Variants in MYCBP2 observed in about 807,000 individuals in gnomAD.
The protein encoded by MYCBP2 is E3 ubiquitin-protein ligase MYCBP2.
A neutral mutation model predicts 525.3 loss-of-function variants in MYCBP2; 120 were observed. That is an observed-to-expected ratio of 0.23 (90% CI 0.20 to 0.27). MYCBP2 has a LOEUF of 0.27. Ranked by LOEUF, MYCBP2 falls within the 10% of genes least tolerant of loss-of-function variation. The pLI is 1.00. For synonymous variants in MYCBP2, 1,894 were observed against 1,955.8 expected (o/e 0.97, Z 0.83); for missense variants, 4,149 against 5,657.1 (o/e 0.73, Z 8.55).
chr13:77,238,192 G>A (rs952950588), intron 17 of MYCBP2, among the ~76,000 whole-genome samples: 1 of 140,454 alleles, frequency 7.1e-6, no homozygotes, highest in Non-Finnish European at 1.5e-5. Context: ...GCAGTGAGCC[G>A]AGATAGCACC....
chr13:77,261,220 C>A lies in MYCBP2; in HGVS notation c.1803G>T (p.Gly601=), dbSNP rs1237158551. The A allele has an allele frequency of 1.2e-6, 2 of 1,613,470 alleles. No homozygotes were observed. Among genetic ancestry groups the A allele is most frequent in the Non-Finnish European group, 1.7e-6 (2 of 1,179,612 alleles). Residue 601 remains glycine (G), a synonymous_variant, in exon 12 of 83, where the codon GGG becomes GGT. Transcript: ENST00000544440. Reference sequence around the variant, plus strand: ...TAGCAGATCCTGTAAAGAATATGCTCCCATCTTCTGCAACTAAAAGGGCGT... The same window carrying A: ...TAGCAGATCCTGTAAAGAATATGCTACCATCTTCTGCAACTAAAAGGGCGT... The part of the protein sequence containing the change: ...GSHALLVAED[G]SIFFTGSASK...
At chr13:77,293,611 C>T (rs568581891) in intron 2 of MYCBP2, among the ~76,000 whole-genome samples, 2 of 152,290 alleles carry the variant, frequency 1.3e-5, no homozygotes, top group East Asian at 1.9e-4. Flanking sequence ...TTGAAATGCA[C>T]AGATTATCTG....
chr13:77,120,129 A>G (rs2050434113), intron 55 of MYCBP2, among the ~76,000 whole-genome samples: 1 of 152,220 alleles, frequency 6.6e-6, no homozygotes, highest in Non-Finnish European at 1.5e-5. Flanking sequence ...TTAAAACATT[A>G]CTATATAGAG....
chr13:77,282,975 A>G (rs1266690912), intron 3 of MYCBP2, among the ~76,000 whole-genome samples: 1 of 152,052 alleles, frequency 6.6e-6, no homozygotes, highest in Non-Finnish European at 1.5e-5. Flanking sequence ...GACAACTGCA[A>G]TAACTGCCTA....
At chr13:77,292,092 C>T (rs900000968) in intron 2 of MYCBP2, among the ~76,000 whole-genome samples, 2 of 152,172 alleles carry the variant, frequency 1.3e-5, no homozygotes, top group African/African-American at 2.4e-5. Context: ...GTGACCAAAC[C>T]CACAAAGTCT....
At chr13:77,118,123 CAT>C (rs2050092303) in intron 55 of MYCBP2, among the ~76,000 whole-genome samples, 1 of 152,108 alleles carries the variant, frequency 6.6e-6, no homozygotes, top group South Asian at 2.1e-4. Flanking sequence ...TGATGCTTAC[CAT>C]AGTCATGCAT....
At chr13:77,240,693 T>G (rs982267900) in intron 17 of MYCBP2, among the ~76,000 whole-genome samples, 2 of 152,146 alleles carry the variant, frequency 1.3e-5, no homozygotes, top group Admixed American at 1.3e-4. Context: ...AACACAGAAA[T>G]ACGGGAACTC....
intron 55 of MYCBP2, among the ~76,000 whole-genome samples, chr13:77,117,976 A>G (rs1285629294): frequency 6.6e-6 from 1 of 152,166 alleles, no homozygotes; most frequent in Non-Finnish European, 1.5e-5. Flanking sequence ...CATAGATACC[A>G]AATTCACTTA....
At chr13:77,196,153 T>C (rs1566886305) in intron 26 of MYCBP2, among the ~76,000 whole-genome samples, 1 of 152,172 alleles carries the variant, frequency 6.6e-6, no homozygotes, top group Non-Finnish European at 1.5e-5. Context: ...GCTGTAGTTA[T>C]GAGGAAACAG....
intron 8 of MYCBP2, among the ~76,000 whole-genome samples, chr13:77,266,373 T>C (rs2074078807): frequency 6.6e-6 from 1 of 152,114 alleles, no homozygotes; most frequent in East Asian, 1.9e-4. Context: ...TTTTGTAACA[T>C]TTAAGTGACA....
intron 26 of MYCBP2, among the ~76,000 whole-genome samples, chr13:77,201,782 C>T (rs1353448183): frequency 6.6e-6 from 1 of 152,062 alleles, no homozygotes; most frequent in East Asian, 1.9e-4. Flanking sequence ...ACAACCTGCT[C>T]CTGAATGACT....
intron 69 of MYCBP2, among the ~76,000 whole-genome samples, chr13:77,069,693 A>G (rs1157078926): frequency 9.5e-6 from 1 of 105,712 alleles, no homozygotes; most frequent in Non-Finnish European, 1.9e-5. Flanking sequence ...CGTCTGTACT[A>G]AAAAAAAAAA....
intron 66 of MYCBP2, chr13:77,077,726 T>C (rs1007588492): frequency 3.2e-5 from 6 of 186,870 alleles, no homozygotes; most frequent in Admixed American, 5.6e-5. Flanking sequence ...ATGACTGTAC[T>C]TTATCTATAT....
chr13:77,302,031 G>A (rs1432534586), intron 1 of MYCBP2, among the ~76,000 whole-genome samples: 2 of 151,966 alleles, frequency 1.3e-5, no homozygotes. Flanking sequence ...ACAAAAATGG[G>A]ATGAACCAAA....
intron 31 of MYCBP2, 40 bp downstream of exon 31, chr13:77,185,831 T>A: frequency 2.2e-6 from 3 of 1,383,594 alleles, no homozygotes; most frequent in Non-Finnish European, 1.9e-6. Flanking sequence ...ATGTCTCTAA[T>A]ATTTTCTCCC....
rs545068372 is a variant in MYCBP2, at chr13:77,076,787, T to C, written c.11787A>G (p.Leu3929=). 3.1e-6 allele frequency: 5 copies of C among 1,612,416 alleles called. No individual in the cohort carries two copies. The highest frequency in any genetic ancestry group is 1.1e-5 in the South Asian group (1 of 90,942). Residue 3929 remains leucine, a synonymous_variant, in exon 68 of 83, where the codon CTA becomes CTG. Transcript: ENST00000544440. ...TTTCTTCTCCTTCAGGTGATGACAA[T>C]AGTGCTTTTTCCTCTTGTTCTGGTG... ...EPTPEQEEKA[L]LSSPEGEEKV... is the part of the protein sequence containing the mutation.
chr13:77,180,790 T>C, intron 33 of MYCBP2, among the ~76,000 whole-genome samples: 1 of 152,054 alleles, frequency 6.6e-6, no homozygotes. Context: ...TGTGGTGGTA[T>C]GTGCCTACAG....
chr13:77,281,157 C>T (rs1567143935), intron 3 of MYCBP2, among the ~76,000 whole-genome samples: 1 of 152,154 alleles, frequency 6.6e-6, no homozygotes, highest in East Asian at 1.9e-4. Flanking sequence ...CTCCCTCCTT[C>T]AGTATCAGGA....
chr13:77,124,294 G>T (rs1244856315), intron 54 of MYCBP2, among the ~76,000 whole-genome samples: 1 of 152,068 alleles, frequency 6.6e-6, no homozygotes, highest in Non-Finnish European at 1.5e-5. Flanking sequence ...GAAAAAGGGA[G>T]ATATCTCCAA....
Sources: gnomAD v4.1 joint callset for allele counts (sites outside exome capture counted in the v4.1 genomes callset) on GRCh38, gnomAD v4.1.1 for gene constraint, MANE v1.5 for transcripts, NCBI Gene and HGNC (gene_info 2026-07-23, HGNC 2026-07-21) for gene names.